Variants in GRAMD2B observed in about 807,000 individuals in gnomAD.
GRAMD2B encodes the protein GRAM domain-containing protein 2B.
A neutral mutation model predicts 59.2 loss-of-function variants in GRAMD2B; 41 were observed. The observed-to-expected ratio is 0.69, with a 90% CI of 0.54 to 0.90. The LOEUF (loss-of-function observed/expected upper bound fraction) is 0.90. Among genes scored for constraint, GRAMD2B ranks in the 40% least tolerant of loss-of-function variants. The pLI, the probability that GRAMD2B is intolerant of heterozygous loss-of-function variation, is 0.00. For missense variants in GRAMD2B, 424 were observed against 500.5 expected (o/e 0.85, Z 1.46); for synonymous variants, 161 against 182.7 (o/e 0.88, Z 0.96).
At chr5:126,365,099 A>G (rs1375971385) in intron 1 of GRAMD2B, among the ~76,000 whole-genome samples, 3 of 152,192 alleles carry the variant, frequency 2.0e-5, no homozygotes, top group Non-Finnish European at 4.4e-5. Flanking sequence ...CTGGTGGCTG[A>G]GGATTACAGA....
chr5:126,395,475 A>G (rs1042257314), intron 1 of GRAMD2B, among the ~76,000 whole-genome samples: 2 of 152,192 alleles, frequency 1.3e-5, no homozygotes, highest in African/African-American at 4.8e-5. Context: ...GGGAAATTCC[A>G]GAGGTGACTC....
rs189142055 is a variant in GRAMD2B, at chr5:126,399,305, T to C, written c.125+27738T>C. Among the ~76,000 whole-genome samples the C allele has an allele frequency of 4.4e-3, 665 of 152,294 alleles. 5 individuals carry two copies. Among genetic ancestry groups the C allele is most frequent in the African/African-American group, 0.015 (633 of 41,554 alleles). On this transcript the variant is annotated intron_variant, in intron 1 of 8. Coordinates refer to the GRAMD2B transcript ENST00000506445. ...CTGATATTTTGTATATATGATATGG[T>C]TTAGCTCTGTGTCTCCATCCAAATC...
chr5:126,445,102 G>A (rs574093412), intron 1 of GRAMD2B, among the ~76,000 whole-genome samples: 1 of 152,252 alleles, frequency 6.6e-6, no homozygotes, highest in South Asian at 2.1e-4. Context: ...TATAATTGAT[G>A]GGCATTTGGG....
chr5:126,382,237 T>C, intron 1 of GRAMD2B, among the ~76,000 whole-genome samples: 1 of 152,236 alleles, frequency 6.6e-6, no homozygotes, highest in East Asian at 1.9e-4. Flanking sequence ...TGTCTAGGCC[T>C]CTAGCAAGGC....
intron 1 of GRAMD2B, among the ~76,000 whole-genome samples, chr5:126,374,057 G>T (rs1754983765): frequency 6.6e-6 from 1 of 152,162 alleles, no homozygotes; most frequent in South Asian, 2.1e-4. Context: ...GCTGCATCTT[G>T]CCTGTTTCCC....
At chr5:126,425,804 G>C (rs1760517676) in intron 1 of GRAMD2B, among the ~76,000 whole-genome samples, 3 of 152,072 alleles carry the variant, frequency 2.0e-5, no homozygotes, top group Admixed American at 2.0e-4. Context: ...AAATTTAGAA[G>C]TTGGATTCAT....
chr5:126,429,647 T>C lies in GRAMD2B; in HGVS notation c.83+5958T>C, dbSNP rs115190519. 4.8e-3 allele frequency among the ~76,000 whole-genome samples: 723 copies of C among 152,152 alleles called. 5 individuals are homozygous for C. Among genetic ancestry groups the C allele is most frequent in the African/African-American group, 0.017 (690 of 41,516 alleles). ...ACCTCACTTTTTAACATCTGGGACA[T>C]GCTATGGGGTGGAGGTGGGAGGATG... On this transcript the variant is annotated intron_variant, in intron 1 of 13. Transcript: ENST00000285689.
chr5:126,416,781 G>T (rs1213926162), intron 1 of GRAMD2B, among the ~76,000 whole-genome samples: 1 of 152,062 alleles, frequency 6.6e-6, no homozygotes, highest in Non-Finnish European at 1.5e-5. Flanking sequence ...TCTTCACATT[G>T]CTTCCTCCTC....
intron 1 of GRAMD2B, among the ~76,000 whole-genome samples, chr5:126,394,997 A>C (rs925296210): frequency 1.3e-5 from 2 of 152,224 alleles, no homozygotes; most frequent in Non-Finnish European, 2.9e-5. Flanking sequence ...AAAGTATATT[A>C]ATGAAGAAGA....
At chr5:126,398,998 T>C (rs1419743406) in intron 1 of GRAMD2B, among the ~76,000 whole-genome samples, 1 of 152,188 alleles carries the variant, frequency 6.6e-6, no homozygotes, top group African/African-American at 2.4e-5. Context: ...TGTTAAGACT[T>C]ATTTTGTGAC....
intron 1 of GRAMD2B, among the ~76,000 whole-genome samples, chr5:126,415,872 AG>A (rs1170608857): frequency 2.4e-4 from 36 of 152,348 alleles, no homozygotes; most frequent in African/African-American, 8.7e-4. Context: ...AGCAATAAAA[AG>A]TATACAAGTG....
intron 1 of GRAMD2B, among the ~76,000 whole-genome samples, chr5:126,389,297 G>C (rs912960446): frequency 1.3e-5 from 2 of 152,170 alleles, no homozygotes; most frequent in Admixed American, 1.3e-4. Context: ...AGTGTTACTT[G>C]AAATACCTTT....
In GRAMD2B at chr5:126,480,688, G is replaced by A. The variant is rs765210770; in HGVS notation, c.716G>A (p.Arg239His). 9 of 1,613,796 alleles carry A rather than the reference G, an allele frequency of 5.6e-6. No individual in the cohort carries two copies. Among genetic ancestry groups the A allele is most frequent in the African/African-American group, 4.0e-5 (3 of 74,902 alleles). ...GCTGAAAACAGTTTCCGAGCAGACC[G>A]CCCTTCATCTCTGCCTCTGGTAAGT... ...SSAENSFRAD[R>H]PSSLPLDFND... The change falls in exon 8 of 14, where the codon CGC becomes CAC. Residue 239 changes from arginine to histidine, a missense_variant. Arg to His is a conservative substitution (Grantham distance 29). Transcript: ENST00000285689.
chr5:126,486,642 G>C (rs561227143), intron 11 of GRAMD2B, among the ~76,000 whole-genome samples: 2 of 152,062 alleles, frequency 1.3e-5, no homozygotes, highest in African/African-American at 4.8e-5. Flanking sequence ...CTATTAGAAG[G>C]GCCATTATTT....
chr5:126,385,759 T>C (rs1281158986), intron 1 of GRAMD2B, among the ~76,000 whole-genome samples: 1 of 152,198 alleles, frequency 6.6e-6, no homozygotes, highest in Non-Finnish European at 1.5e-5. Context: ...GTGTCTTGAA[T>C]ACTGGGAAAG....
At chr5:126,428,102 T>C (rs1760924705) in intron 1 of GRAMD2B, among the ~76,000 whole-genome samples, 1 of 152,036 alleles carries the variant, frequency 6.6e-6, no homozygotes, top group African/African-American at 2.4e-5. Flanking sequence ...GCGTGATGGT[T>C]CATGCCTGTA....
chr5:126,372,655 T>G (rs1754862072), intron 1 of GRAMD2B, among the ~76,000 whole-genome samples: 1 of 152,186 alleles, frequency 6.6e-6, no homozygotes, highest in Non-Finnish European at 1.5e-5. Flanking sequence ...TATCCATTAT[T>G]AAAATGAATC....
intron 1 of GRAMD2B, among the ~76,000 whole-genome samples, chr5:126,457,109 A>G (rs1441813543): frequency 7.4e-5 from 11 of 147,806 alleles, no homozygotes; most frequent in African/African-American, 2.3e-4. Context: ...AGAGAATGGC[A>G]TGAATGTGGG....
chr5:126,481,660 T>C (rs918026217), intron 8 of GRAMD2B, among the ~76,000 whole-genome samples: 1 of 152,240 alleles, frequency 6.6e-6, no homozygotes, highest in East Asian at 1.9e-4. Flanking sequence ...AATGGGATAT[T>C]ATTCAACCAT....
Sources: allele counts gnomAD v4.1 joint callset (sites outside exome capture counted in the v4.1 genomes callset), GRCh38; gene constraint gnomAD v4.1.1; transcripts MANE v1.5; gene names NCBI Gene and HGNC (gene_info 2026-07-23, HGNC 2026-07-21).